MYO18A: variants seen among roughly 807,000 people sequenced by gnomAD.
MYO18A encodes the protein unconventional myosin-XVIIIa.
MYO18A carries 78 observed loss-of-function variants against 235.8 expected under a neutral mutation model. The ratio of observed to expected loss-of-function variants is 0.33; its 90% CI spans 0.28 to 0.40. MYO18A has a LOEUF of 0.40. Among genes scored for constraint, MYO18A ranks in the 10% least tolerant of loss-of-function variants. The probability of loss-of-function intolerance (pLI) is 1.00; values close to 1 mark genes in which losing one functional copy is unlikely to be tolerated. For synonymous variants in MYO18A, 977 were observed against 1,077.8 expected (o/e 0.91, Z 1.83); for missense variants, 2,215 against 2,699.3 (o/e 0.82, Z 3.98).
At chr17:29,079,778 C>A (rs2066071102) in intron 41 of MYO18A, 1 of 967,988 alleles carries the variant, frequency 1.0e-6, no homozygotes, top group South Asian at 4.8e-5. Flanking sequence ...AGGCTGTCCA[C>A]CTCTTTCTTG....
At chr17:29,097,412 G>A in intron 26 of MYO18A, 62 bp from the exon 27 acceptor site, 1 of 1,587,928 alleles carries the variant, frequency 6.3e-7, no homozygotes, top group South Asian at 1.1e-5. Flanking sequence ...AGGGGCAGAG[G>A]GGAAGGAGGA....
intron 1 of MYO18A, among the ~76,000 whole-genome samples, chr17:29,176,132 A>C (rs1039781091): frequency 6.6e-6 from 1 of 152,226 alleles, no homozygotes; most frequent in Non-Finnish European, 1.5e-5. Flanking sequence ...GGGGAGAAGA[A>C]GGGTAACACT....
At chr17:29,128,496 G>A in intron 2 of MYO18A, 1 of 1,286,758 alleles carries the variant, frequency 7.8e-7, no homozygotes, top group Non-Finnish European at 1.0e-6. Context: ...CTGGTGGGAG[G>A]CTGAGGACTC....
chr17:29,107,198 A>G lies in MYO18A; in HGVS notation c.3332-9T>C, dbSNP rs960026963. ...CATGTGGTCAGGGTAACCTAGAGAGAGCAGCCCAGAGCCAGGCCTGTCAAC... is the reference window on the plus strand; with the variant it reads ...CATGTGGTCAGGGTAACCTAGAGAGGGCAGCCCAGAGCCAGGCCTGTCAAC... On this transcript the variant is annotated splice_polypyrimidine_tract_variant and intron_variant, in intron 19 of 41. Transcript: ENST00000527372. 6.2e-7 allele frequency: 1 copy of G among 1,613,660 alleles called. No homozygotes were observed. The highest frequency in any genetic ancestry group is 8.5e-7 in the Non-Finnish European group (1 of 1,179,634).
At chr17:29,080,885 A>G in intron 41 of MYO18A, 1 of 985,400 alleles carries the variant, frequency 1.0e-6, no homozygotes, top group Non-Finnish European at 1.2e-6. Flanking sequence ...GTGAAGAGCG[A>G]ATCCGCGTCC....
chr17:29,126,324 G>A lies in MYO18A; in HGVS notation c.1000-4071C>T, dbSNP rs1454546606. ...AGGAGGAGGGACGGGGAGGAGGGAC[G>A]GGGAGGAGGGAGGGGAGGGCAGCCG... On this transcript the variant is annotated intron_variant, in intron 2 of 41. Coordinates refer to ENST00000527372, the MANE Select transcript of MYO18A (RefSeq NM_078471.4). This position sits in a 1 kb window ranked among gnomAD's most constrained non-coding sequence, Gnocchi z 4.1. Among the ~76,000 whole-genome samples, 2 of 141,956 alleles carry A rather than the reference G, an allele frequency of 1.4e-5. No homozygotes were observed. The highest frequency in any genetic ancestry group is 1.5e-5 in the Non-Finnish European group (1 of 64,786). 93.1% of individuals were successfully genotyped at this position (141,956 alleles called of 152,430 possible). A position where few individuals can be genotyped will look rare whatever the true frequency, so the allele number is the denominator to read the frequency against.
intron 18 of MYO18A, 53 bp downstream of exon 18, chr17:29,110,383 A>G: frequency 6.6e-7 from 1 of 1,504,642 alleles, no homozygotes; most frequent in Non-Finnish European, 8.9e-7. Flanking sequence ...CCTGCCTACC[A>G]GGGGTAAGGA....
Position 29,090,800 on chromosome 17 carries a change from G to GC in MYO18A, c.5304+9dup. ...GTGCAGAGTGTGACGGGCACTCCTG[G>GC]CAGGGGTACCTGAGCCACGGCAGCC... On this transcript the variant is annotated intron_variant, in intron 35 of 41. Coordinates refer to ENST00000527372, the MANE Select transcript of MYO18A (RefSeq NM_078471.4). 1 of 1,609,046 alleles carries GC rather than the reference G, an allele frequency of 6.2e-7. No individual in the cohort carries two copies. Among genetic ancestry groups the GC allele is most frequent in the African/African-American group, 1.3e-5 (1 of 74,958 alleles).
chr17:29,133,946 G>T, intron 2 of MYO18A: 2 of 976,614 alleles, frequency 2.0e-6, no homozygotes, highest in Non-Finnish European at 2.8e-6. Context: ...AACACTGTGG[G>T]CAACAAGGGG....
rs2067203933 is a variant in MYO18A at position 29,121,731 on chromosome 17, G to A, written c.1195-8C>T. ...GCAGGAGGGAGCATTAGCCTGTGTGGGAGGACAGGCGGGTGGGTATTAGAG... is the reference window on the plus strand; with the variant it reads ...GCAGGAGGGAGCATTAGCCTGTGTGAGAGGACAGGCGGGTGGGTATTAGAG... On this transcript the variant is annotated splice_region_variant and splice_polypyrimidine_tract_variant and intron_variant, in intron 4 of 41. Transcript: ENST00000527372. The surrounding 1 kb of genome is among the most constrained non-coding windows in gnomAD (Gnocchi z 4.2). 2 of 1,576,790 alleles carry A rather than the reference G, an allele frequency of 1.3e-6. No individual in the cohort carries two copies. The highest frequency in any genetic ancestry group is 1.4e-5 in the African/African-American group (1 of 73,964).
At chr17:29,104,444 A>G (rs1273281542) in intron 20 of MYO18A, among the ~76,000 whole-genome samples, 1 of 152,178 alleles carries the variant, frequency 6.6e-6, no homozygotes. Flanking sequence ...GCCATTCCCC[A>G]AAGTAGGGAA....
At chr17:29,163,509 G>A (rs2068217460) in intron 2 of MYO18A, among the ~76,000 whole-genome samples, 1 of 152,216 alleles carries the variant, frequency 6.6e-6, no homozygotes, top group Admixed American at 6.5e-5. Flanking sequence ...GCTCGGGGAA[G>A]AAGTCCTCTG....
intron 2 of MYO18A, chr17:29,136,872 T>C (rs1319920277): frequency 1.3e-5 from 2 of 152,210 alleles, no homozygotes; most frequent in Non-Finnish European, 2.9e-5. Flanking sequence ...GTTTTACTAG[T>C]GTGCAACTCT....
intron 21 of MYO18A, among the ~76,000 whole-genome samples, chr17:29,100,759 G>C (rs2066634122): frequency 1.3e-5 from 2 of 152,216 alleles, no homozygotes; most frequent in Non-Finnish European, 2.9e-5. Flanking sequence ...GGGAAACACA[G>C]GTTACATAAA....
chr17:29,119,243 G>C, intron 8 of MYO18A, 92 bp downstream of exon 8: 3 of 917,902 alleles, frequency 3.3e-6, no homozygotes, highest in East Asian at 2.6e-5. Context: ...ATGCGATCAA[G>C]TGGCTTTAAT....
Position 29,166,331 on chromosome 17 carries a change from C to G in MYO18A, c.610G>C (p.Asp204His), listed in dbSNP as rs1356715637. The G allele has an allele frequency of 6.2e-7, 1 of 1,612,508 alleles. No individual in the cohort carries two copies. Among genetic ancestry groups the G allele is most frequent in the Admixed American group, 1.7e-5 (1 of 60,012 alleles). The change falls in exon 2 of 42, where the codon GAC (aspartate) becomes CAC (histidine). Residue 204 changes from aspartate (D) to histidine (H), a missense_variant. Coordinates refer to ENST00000527372, the MANE Select transcript of MYO18A (RefSeq NM_078471.4). ...GGCACCACGGGGGGCAGGCGCAGGT[C>G]GACTGGGAACTTTTTAGTCACTAGC... ...PELVTKKFPVDLRLPPVVPLP... is the reference protein window; with the variant it reads ...PELVTKKFPVHLRLPPVVPLP...
intron 2 of MYO18A, among the ~76,000 whole-genome samples, chr17:29,124,351 C>T (rs1357767876): frequency 6.6e-6 from 1 of 152,216 alleles, no homozygotes; most frequent in Non-Finnish European, 1.5e-5. Flanking sequence ...ACACCTAGAA[C>T]TCAACCAGGC....
At chr17:29,090,639 G>T (rs981466139) in intron 35 of MYO18A, 24 bp from the exon 36 acceptor site, 3 of 1,590,558 alleles carry the variant, frequency 1.9e-6, no homozygotes, top group Non-Finnish European at 1.7e-6. Context: ...GAGAGCATCA[G>T]AAGCAGGATC....
intron 2 of MYO18A, among the ~76,000 whole-genome samples, chr17:29,144,862 T>C (rs1687818576): frequency 6.6e-6 from 1 of 152,180 alleles, no homozygotes; most frequent in South Asian, 2.1e-4. Context: ...AAATAGAATA[T>C]AGTCCAAAAC....
Sources: gnomAD v4.1 joint callset for allele counts (sites outside exome capture counted in the v4.1 genomes callset) on GRCh38, gnomAD v4.1.1 for gene constraint, Gnocchi (gnomAD v3.1) non-coding constraint, MANE v1.5 for transcripts, NCBI Gene and HGNC (gene_info 2026-07-23, HGNC 2026-07-21) for gene names.